Variants in SEMA6D observed in about 807,000 individuals in gnomAD.
SEMA6D encodes semaphorin 6D, also known as semaphorin-6D.
SEMA6D carries 35 observed loss-of-function variants against 106.6 expected under a neutral mutation model. That is an observed-to-expected ratio of 0.33 (90% confidence interval 0.25 to 0.44). SEMA6D has a LOEUF of 0.44. SEMA6D is among the 20% of genes least tolerant of loss of function. SEMA6D has a pLI of 1.00. For missense variants in SEMA6D, 1,185 were observed against 1,345.9 expected, an observed-to-expected ratio of 0.88 and a Z score of 1.87; for synonymous variants, 499 against 487.7, an observed-to-expected ratio of 1.02 and a Z score of -0.31.
chr15:47,254,875 T>TTGAG (rs1555411187), intron 1 of SEMA6D, among the ~76,000 whole-genome samples: 2 of 134,308 alleles, frequency 1.5e-5, no homozygotes, highest in African/African-American at 5.6e-5. Flanking sequence ...ACCTGTGGTT[T>TTGAG]TGTGTGTGTG....
intron 4 of SEMA6D, among the ~76,000 whole-genome samples, chr15:47,637,657 A>G (rs1457724257): frequency 6.6e-6 from 1 of 152,180 alleles, no homozygotes; most frequent in Non-Finnish European, 1.5e-5. Context: ...TTTTGGAAGT[A>G]GTTATTTTCA....
At chr15:47,438,532 C>A (rs1008392256) in intron 2 of SEMA6D, among the ~76,000 whole-genome samples, 1 of 152,034 alleles carries the variant, frequency 6.6e-6, no homozygotes, top group African/African-American at 2.4e-5. Flanking sequence ...AATCTCCCAC[C>A]CCCTATTCAC....
At chr15:47,242,640 A>G (rs2032982023) in intron 1 of SEMA6D, among the ~76,000 whole-genome samples, 1 of 152,206 alleles carries the variant, frequency 6.6e-6, no homozygotes, top group Non-Finnish European at 1.5e-5. Flanking sequence ...AACTAATGAC[A>G]GTTTGCTCAG....
chr15:47,484,912 G>C (rs968897628), intron 3 of SEMA6D, among the ~76,000 whole-genome samples: 3 of 152,158 alleles, frequency 2.0e-5, no homozygotes, highest in Non-Finnish European at 4.4e-5. Context: ...ATGTCCTGTG[G>C]GATAAATCCC....
At chr15:47,191,468 A>G (rs1478742931) in intron 1 of SEMA6D, among the ~76,000 whole-genome samples, 2 of 152,140 alleles carry the variant, frequency 1.3e-5, no homozygotes, top group East Asian at 1.9e-4. Context: ...TAATGAGGCC[A>G]TGGCGTGGGT....
chr15:47,260,948 G>A (rs12903710), intron 1 of SEMA6D, among the ~76,000 whole-genome samples: 65,865 of 151,888 alleles, frequency 0.43, 16,464 homozygotes, highest in Non-Finnish European at 0.56. Flanking sequence ...TTTCTGTTGG[G>A]AGGAGGGACC....
intron 1 of SEMA6D, among the ~76,000 whole-genome samples, chr15:47,273,919 C>T (rs2034680644): frequency 6.6e-6 from 1 of 152,112 alleles, no homozygotes; most frequent in South Asian, 2.1e-4. Flanking sequence ...CTGCCAGTGA[C>T]TATTCTACCT....
chr15:47,302,178 G>A (rs1282107638), intron 1 of SEMA6D, among the ~76,000 whole-genome samples: 2 of 152,120 alleles, frequency 1.3e-5, no homozygotes, highest in African/African-American at 4.8e-5. Flanking sequence ...ATGAGAATGT[G>A]TCCTAGGTGC....
At chr15:47,365,025 G>T (rs2038960164) in intron 1 of SEMA6D, among the ~76,000 whole-genome samples, 1 of 152,192 alleles carries the variant, frequency 6.6e-6, no homozygotes, top group Admixed American at 6.5e-5. Context: ...CAGGCAGCAA[G>T]ATAACAAAAG....
At chr15:47,318,537 G>T (rs1566994497) in intron 1 of SEMA6D, among the ~76,000 whole-genome samples, 1 of 148,652 alleles carries the variant, frequency 6.7e-6, no homozygotes, top group Non-Finnish European at 1.5e-5. Context: ...TTGTTCTTGC[G>T]ATAGTTTACT....
chr15:47,769,488 A>G (rs1287947156), intron 18 of SEMA6D, among the ~76,000 whole-genome samples: 1 of 151,832 alleles, frequency 6.6e-6, no homozygotes, highest in Non-Finnish European at 1.5e-5. Flanking sequence ...TTCTTTAGTA[A>G]CACCATTTTT....
At chr15:47,436,251 G>A (rs1454075743) in intron 2 of SEMA6D, among the ~76,000 whole-genome samples, 9 of 151,988 alleles carry the variant, frequency 5.9e-5, no homozygotes, top group African/African-American at 2.2e-4. Flanking sequence ...TTAGCTGGGT[G>A]TGGTGGCAGG....
chr15:47,243,926 T>C (rs2033064821), intron 1 of SEMA6D, among the ~76,000 whole-genome samples: 1 of 152,142 alleles, frequency 6.6e-6, no homozygotes, highest in Non-Finnish European at 1.5e-5. Context: ...TGGACAAAAT[T>C]TGACAACAGT....
intron 3 of SEMA6D, among the ~76,000 whole-genome samples, chr15:47,512,943 T>C (rs2044276069): frequency 6.6e-6 from 1 of 152,176 alleles, no homozygotes; most frequent in Non-Finnish European, 1.5e-5. Flanking sequence ...GAGGTGGCCA[T>C]GAGAGCACAA....
intron 3 of SEMA6D, among the ~76,000 whole-genome samples, chr15:47,494,798 GAT>G (rs1247366358): frequency 1.2e-3 from 67 of 54,570 alleles, no homozygotes; most frequent in African/African-American, 4.6e-3. Flanking sequence ...ATAATCTCCA[GAT>G]ACACACACAC....
At chr15:47,622,930 T>A (rs899483647) in intron 4 of SEMA6D, among the ~76,000 whole-genome samples, 9 of 151,914 alleles carry the variant, frequency 5.9e-5, no homozygotes, top group Admixed American at 1.3e-4. Flanking sequence ...CCTCAGAAGT[T>A]AAAAAAACAC....
chr15:47,257,390 A>G (rs1399151262), intron 1 of SEMA6D, among the ~76,000 whole-genome samples: 65 of 152,156 alleles, frequency 4.3e-4, no homozygotes, highest in East Asian at 1.9e-4. Flanking sequence ...AGGAACTTCA[A>G]TTATTGATTT....
intron 3 of SEMA6D, among the ~76,000 whole-genome samples, chr15:47,577,083 G>T (rs967156730): frequency 2.0e-5 from 3 of 152,194 alleles, no homozygotes; most frequent in African/African-American, 7.2e-5. Context: ...GTAGGAATTT[G>T]TGCCTTAATT....
intron 3 of SEMA6D, among the ~76,000 whole-genome samples, chr15:47,574,344 G>T (rs1260808628): frequency 6.6e-6 from 1 of 152,176 alleles, no homozygotes; most frequent in Admixed American, 6.5e-5. Context: ...TTGAAAGGGA[G>T]ACCTCAGCTG....
Sources: gnomAD v4.1 joint callset for allele counts (sites outside exome capture counted in the v4.1 genomes callset) on GRCh38, gnomAD v4.1.1 for gene constraint, MANE v1.5 for transcripts, NCBI Gene and HGNC (gene_info 2026-07-23, HGNC 2026-07-21) for gene names.